KCNIP3: variants seen among roughly 807,000 people sequenced by gnomAD.
KCNIP3 encodes the protein potassium voltage-gated channel interacting protein 3.
A neutral mutation model predicts 35.0 loss-of-function variants in KCNIP3; 28 were observed. The observed-to-expected ratio is 0.80, with a 90% CI of 0.59 to 1.10. The LOEUF (loss-of-function observed/expected upper bound fraction) is 1.10. Among genes scored for constraint, KCNIP3 ranks in the 50% least tolerant of loss-of-function variants. The probability of loss-of-function intolerance (pLI) is 0.00; values close to 1 mark genes in which losing one functional copy is unlikely to be tolerated. For synonymous variants in KCNIP3, 134 were observed against 133.8 expected (o/e 1.00, Z -0.01); for missense variants, 295 against 338.4 (o/e 0.87, Z 1.01).
At chr2:95,354,274 A>G (rs1255412057) in intron 2 of KCNIP3, among the ~76,000 whole-genome samples, 2 of 152,210 alleles carry the variant, frequency 1.3e-5, no homozygotes, top group Non-Finnish European at 2.9e-5. Flanking sequence ...GTGTGTCTCT[A>G]TACTTAGGGC....
chr2:95,346,791 C>T (rs2104266151), intron 2 of KCNIP3: 1 of 173,906 alleles, frequency 5.8e-6, no homozygotes, highest in Non-Finnish European at 1.2e-5. Context: ...TCGGGCTCGG[C>T]CGCCGCGTCC....
At chr2:95,357,769 C>A (rs1196164649) in intron 2 of KCNIP3, among the ~76,000 whole-genome samples, 1 of 152,206 alleles carries the variant, frequency 6.6e-6, no homozygotes, top group African/African-American at 2.4e-5. Flanking sequence ...TTGGTGACCA[C>A]ATGTGTACTT....
intron 2 of KCNIP3, among the ~76,000 whole-genome samples, chr2:95,331,993 G>A (rs780399959): frequency 6.6e-5 from 10 of 152,170 alleles, no homozygotes; most frequent in Admixed American, 1.3e-4. Context: ...CGGTGTGAGC[G>A]GACTTTTCTG....
rs375591937 is a variant in KCNIP3 at position 95,302,512 on chromosome 2, C to T, written c.15+5059C>T. Among the ~76,000 whole-genome samples, 12 of 152,354 alleles carry T rather than the reference C, an allele frequency of 7.9e-5. No homozygotes were observed. The East Asian group carries it at 1.2e-3, about 15-fold the overall frequency. On this transcript the variant is annotated intron_variant, in intron 1 of 8. Transcript: ENST00000295225. ...CAGCTGAGAGCGGCACATTGGGCCT[C>T]CCTGCCAGGCATGCTAGGCTGTGGG...
intron 2 of KCNIP3, among the ~76,000 whole-genome samples, chr2:95,314,606 TGCTCCCCTCGATAATAGGGTCATTCACTG>T (rs1179391168): frequency 6.6e-6 from 1 of 152,246 alleles, no homozygotes; most frequent in South Asian, 2.1e-4. Flanking sequence ...GAGTCCTCCC[TGCTCCCCTCGATAATAGGGTCATTCACTG>T]GCCGATGGCC....
intron 2 of KCNIP3, among the ~76,000 whole-genome samples, chr2:95,352,727 C>T (rs1483148093): frequency 6.6e-6 from 1 of 152,194 alleles, no homozygotes; most frequent in African/African-American, 2.4e-5. Flanking sequence ...CCTCCCCTGC[C>T]TTCCAGTTCA....
At chr2:95,372,531 G>C (rs938003119) in intron 2 of KCNIP3, among the ~76,000 whole-genome samples, 1 of 152,226 alleles carries the variant, frequency 6.6e-6, no homozygotes, top group Admixed American at 6.5e-5. Context: ...AGGGGAAAAG[G>C]TGATGAGGAA....
intron 1 of KCNIP3, among the ~76,000 whole-genome samples, chr2:95,301,749 G>A (rs1275163723): frequency 6.6e-6 from 1 of 152,094 alleles, no homozygotes; most frequent in African/African-American, 2.4e-5. Flanking sequence ...CTCACTGCCA[G>A]GCAGCATGGG....
At chr2:95,337,595 T>C (rs1266714744) in intron 2 of KCNIP3, among the ~76,000 whole-genome samples, 1 of 152,222 alleles carries the variant, frequency 6.6e-6, no homozygotes, top group Non-Finnish European at 1.5e-5. Flanking sequence ...TATTCTAAAG[T>C]GCTTTATACA....
chr2:95,308,707 G>A (rs935332065), intron 1 of KCNIP3, among the ~76,000 whole-genome samples: 1 of 152,174 alleles, frequency 6.6e-6, no homozygotes, highest in African/African-American at 2.4e-5. Context: ...GATCTCGTCT[G>A]CTTTCCAGGA....
At chr2:95,349,604 G>A (rs1459069094) in intron 2 of KCNIP3, among the ~76,000 whole-genome samples, 1 of 152,194 alleles carries the variant, frequency 6.6e-6, no homozygotes, top group African/African-American at 2.4e-5. Flanking sequence ...TGGACAAGGG[G>A]GCTGAGCCCG....
Position 95,337,439 on chromosome 2 carries a change from A to G in KCNIP3, c.181+26919A>G, listed in dbSNP as rs34953147. Among the ~76,000 whole-genome samples the G allele has an allele frequency of 3.8e-3, 577 of 152,138 alleles. 2 individuals are homozygous for G. The highest frequency in any genetic ancestry group is 0.014 in the Middle Eastern group (4 of 294). ...GGGCGGGGGAGGGAATGATGTTTGT[A>G]TGGTTAAAAATACAAATTTATTCAA... On this transcript the variant is annotated intron_variant, in intron 2 of 8. Coordinates refer to ENST00000295225, the MANE Select transcript of KCNIP3 (RefSeq NM_013434.5).
chr2:95,348,488 T>G (rs531966255), intron 2 of KCNIP3, among the ~76,000 whole-genome samples: 2 of 152,308 alleles, frequency 1.3e-5, no homozygotes, highest in Non-Finnish European at 2.9e-5. Context: ...AGGGAAGCTG[T>G]GATCTCTCCA....
At chr2:95,368,189 T>A (rs1679961812) in intron 2 of KCNIP3, among the ~76,000 whole-genome samples, 1 of 152,202 alleles carries the variant, frequency 6.6e-6, no homozygotes, top group Admixed American at 6.5e-5. Context: ...AACCTTCTAA[T>A]TAGTGATCAG....
intron 3 of KCNIP3, 111 bp from the exon 4 acceptor site, chr2:95,374,737 C>A: frequency 7.8e-7 from 1 of 1,278,400 alleles, no homozygotes; most frequent in Non-Finnish European, 1.1e-6. Context: ...AGCAGTGCCA[C>A]AGGCAGCAGG....
intron 2 of KCNIP3, among the ~76,000 whole-genome samples, chr2:95,339,704 C>T (rs1679146465): frequency 6.6e-6 from 1 of 152,198 alleles, no homozygotes; most frequent in Admixed American, 6.5e-5. Context: ...AAGCAATTGG[C>T]TTTTCCAACA....
intron 2 of KCNIP3, among the ~76,000 whole-genome samples, chr2:95,333,384 C>T (rs1052947618): frequency 3.9e-5 from 6 of 152,196 alleles, no homozygotes; most frequent in Non-Finnish European, 7.3e-5. Context: ...TCTTACATCC[C>T]TCCGGATTGA....
chr2:95,375,987 C>G (rs764335784), intron 5 of KCNIP3, among the ~76,000 whole-genome samples: 1 of 152,212 alleles, frequency 6.6e-6, no homozygotes, highest in African/African-American at 2.4e-5. Context: ...CCCGGCCACA[C>G]GGGGTAATAA....
At chr2:95,322,849 C>T (rs1276394034) in intron 2 of KCNIP3, among the ~76,000 whole-genome samples, 1 of 152,350 alleles carries the variant, frequency 6.6e-6, no homozygotes, top group Non-Finnish European at 1.5e-5. Flanking sequence ...CTCTCCCTGG[C>T]GCTTCTGAGT....
Sources: allele counts gnomAD v4.1 joint callset (sites outside exome capture counted in the v4.1 genomes callset), GRCh38; gene constraint gnomAD v4.1.1; transcripts MANE v1.5; gene names NCBI Gene and HGNC (gene_info 2026-07-23, HGNC 2026-07-21).